Variants in ADGRL3 observed in about 807,000 individuals in gnomAD.
The protein encoded by ADGRL3 is adhesion G protein-coupled receptor L3.
ADGRL3 carries 62 observed loss-of-function variants against 153.5 expected under a neutral mutation model. The observed-to-expected ratio is 0.40, with a 90% confidence interval of 0.33 to 0.50. ADGRL3 has a LOEUF of 0.50. Among genes scored for constraint, ADGRL3 ranks in the 20% least tolerant of loss-of-function variants. The pLI is 0.47. For missense variants in ADGRL3, 1,641 were observed against 1,859.4 expected, an observed-to-expected ratio of 0.88 and a Z score of 2.16; for synonymous variants, 710 against 672.5, an observed-to-expected ratio of 1.06 and a Z score of -0.86.
At chr4:61,930,867 T>G (rs2098815014) in intron 13 of ADGRL3, among the ~76,000 whole-genome samples, 1 of 152,218 alleles carries the variant, frequency 6.6e-6, no homozygotes, top group Non-Finnish European at 1.5e-5. Context: ...ATGAGTCTTA[T>G]GTTGAGCTTA....
At chr4:61,483,955 A>G (rs335325) in intron 2 of ADGRL3, among the ~76,000 whole-genome samples, 136,135 of 151,022 alleles carry the variant, frequency 0.9, 63,025 homozygotes, top group East Asian at 1. Context: ...AATAGGACCT[A>G]ACTTATAATA....
intron 2 of ADGRL3, among the ~76,000 whole-genome samples, chr4:61,419,759 T>A (rs1290544106): frequency 6.6e-6 from 1 of 152,154 alleles, no homozygotes; most frequent in East Asian, 1.9e-4. Flanking sequence ...GATTTAAACA[T>A]ATTTAGATTT....
chr4:61,548,728 G>A (rs903133287), intron 4 of ADGRL3, among the ~76,000 whole-genome samples: 1 of 151,856 alleles, frequency 6.6e-6, no homozygotes, highest in South Asian at 2.1e-4. Flanking sequence ...CAGCTTTGTT[G>A]TTTTTGCTTA....
chr4:61,515,030 C>T (rs2098484517), intron 3 of ADGRL3, among the ~76,000 whole-genome samples: 1 of 152,080 alleles, frequency 6.6e-6, no homozygotes. Flanking sequence ...ATTCCCACGT[C>T]CCTGTCCTAT....
chr4:62,042,997 T>G (rs1274629983), intron 24 of ADGRL3, among the ~76,000 whole-genome samples: 1 of 152,086 alleles, frequency 6.6e-6, no homozygotes, highest in African/African-American at 2.4e-5. Context: ...ACATACTCTT[T>G]TATGTTTTCC....
intron 5 of ADGRL3, among the ~76,000 whole-genome samples, chr4:61,619,164 A>G (rs2092305831): frequency 6.6e-6 from 1 of 152,212 alleles, no homozygotes. Flanking sequence ...ATTCACATTG[A>G]AAACAGAGTA....
chr4:61,388,864 CA>C (rs1028079032), intron 2 of ADGRL3, among the ~76,000 whole-genome samples: 7 of 152,162 alleles, frequency 4.6e-5, no homozygotes, highest in African/African-American at 1.7e-4. Flanking sequence ...CTTCTCATGG[CA>C]GCCTTCCCTG....
At chr4:61,628,909 G>T (rs1320813042) in intron 5 of ADGRL3, among the ~76,000 whole-genome samples, 1 of 152,154 alleles carries the variant, frequency 6.6e-6, no homozygotes, top group Non-Finnish European at 1.5e-5. Flanking sequence ...GCTGCCACAG[G>T]ATAGTATTGG....
rs533905977 is a variant in ADGRL3, at chr4:62,044,993, G to A, written c.3814+444G>A. On this transcript the variant is annotated intron_variant, in intron 25 of 26. Coordinates refer to ENST00000683033, the MANE Select transcript of ADGRL3 (RefSeq NM_001387552.1). ...AACCTGTGTACTTGGAAAAAATCAC[G>A]TCTTAATATCTAAAAGACTTATCTG... Among the ~76,000 whole-genome samples the A allele has an allele frequency of 5.9e-5, 9 of 152,052 alleles. No homozygotes were observed. In the South Asian group the frequency reaches 1.2e-3, roughly 21 times the overall value.
intron 2 of ADGRL3, among the ~76,000 whole-genome samples, chr4:61,408,957 A>G (rs916182412): frequency 9.2e-5 from 14 of 151,674 alleles, no homozygotes; most frequent in Non-Finnish European, 1.5e-4. Flanking sequence ...ATTGGCTTTA[A>G]AGTTTTATGC....
intron 8 of ADGRL3, among the ~76,000 whole-genome samples, chr4:61,810,555 T>C (rs2097601930): frequency 6.6e-6 from 1 of 152,190 alleles, no homozygotes; most frequent in South Asian, 2.1e-4. Flanking sequence ...TTTTTCTATT[T>C]GAACTTTAGT....
intron 23 of ADGRL3, among the ~76,000 whole-genome samples, chr4:62,032,392 C>T (rs980329850): frequency 3.3e-5 from 5 of 151,280 alleles, no homozygotes; most frequent in African/African-American, 4.8e-5. Flanking sequence ...AATGTGATCT[C>T]GATAGGTCCA....
chr4:61,538,633 G>A (rs143055856), intron 4 of ADGRL3, among the ~76,000 whole-genome samples: 1 of 151,984 alleles, frequency 6.6e-6, no homozygotes, highest in African/African-American at 2.4e-5. Flanking sequence ...GTAGAGACAG[G>A]GTTTCTCCAT....
At chr4:61,615,576 T>TTGTGTGTATGTG (rs2091907480) in intron 5 of ADGRL3, among the ~76,000 whole-genome samples, 1 of 147,924 alleles carries the variant, frequency 6.8e-6, no homozygotes, top group Admixed American at 6.8e-5. Flanking sequence ...GGTTGGAATA[T>TTGTGTGTATGTG]TGTGTGTGTG....
chr4:61,743,887 TG>T, intron 8 of ADGRL3, among the ~76,000 whole-genome samples: 2 of 152,252 alleles, frequency 1.3e-5, no homozygotes, highest in South Asian at 4.1e-4. Context: ...GCACACCGTG[TG>T]CGAGCCGAAG....
chr4:61,319,554 T>C (rs573564270), intron 1 of ADGRL3, among the ~76,000 whole-genome samples: 1 of 152,148 alleles, frequency 6.6e-6, no homozygotes, highest in South Asian at 2.1e-4. Flanking sequence ...GATCTGAATA[T>C]GCAAAGCCTA....
intron 11 of ADGRL3, among the ~76,000 whole-genome samples, chr4:61,904,695 G>A (rs2098687164): frequency 6.6e-6 from 1 of 150,896 alleles, no homozygotes; most frequent in African/African-American, 2.4e-5. Context: ...AAAAGAAATG[G>A]AATTACAATA....
intron 21 of ADGRL3, among the ~76,000 whole-genome samples, chr4:62,025,924 T>C (rs942901597): frequency 2.6e-5 from 4 of 152,278 alleles, no homozygotes; most frequent in Admixed American, 2.6e-4. Context: ...ATCTGCTTTT[T>C]CAAATTAAAA....
At chr4:61,750,702 AT>A (rs1394189827) in intron 8 of ADGRL3, among the ~76,000 whole-genome samples, 1 of 151,166 alleles carries the variant, frequency 6.6e-6, no homozygotes, top group African/African-American at 2.4e-5. Flanking sequence ...AGGCAGGAGA[AT>A]GGCGTGAACC....
Sources: allele counts gnomAD v4.1 joint callset (sites outside exome capture counted in the v4.1 genomes callset), GRCh38; gene constraint gnomAD v4.1.1; transcripts MANE v1.5; gene names NCBI Gene and HGNC (gene_info 2026-07-23, HGNC 2026-07-21).